BBS9: variants seen among roughly 807,000 people sequenced by gnomAD.
The protein encoded by BBS9 is Bardet-Biedl syndrome 9, also known as protein PTHB1.
A neutral mutation model predicts 117.7 loss-of-function variants in BBS9; 89 were observed. The ratio of observed to expected loss-of-function variants is 0.76; its 90% confidence interval spans 0.64 to 0.90. The LOEUF (loss-of-function observed/expected upper bound fraction) is 0.90. Among genes scored for constraint, BBS9 ranks in the 40% least tolerant of loss-of-function variants. BBS9 has a pLI of 0.00. For missense variants in BBS9, 982 were observed against 1,042.2 expected (o/e 0.94, Z 0.80); for synonymous variants, 379 against 370.9 (o/e 1.02, Z -0.25).
At chr7:33,175,186 C>G (rs1021560238) in intron 4 of BBS9, among the ~76,000 whole-genome samples, 15 of 151,956 alleles carry the variant, frequency 9.9e-5, no homozygotes, top group African/African-American at 2.7e-4. Flanking sequence ...TGCCTGTAAT[C>G]CCAGCTACTC....
intron 19 of BBS9, among the ~76,000 whole-genome samples, chr7:33,452,658 T>A: frequency 6.6e-6 from 1 of 152,320 alleles, no homozygotes; most frequent in South Asian, 2.1e-4. Flanking sequence ...TTTGTTAAAA[T>A]ACCTACTTAT....
chr7:33,309,785 TTA>T (rs1462137786), intron 9 of BBS9, among the ~76,000 whole-genome samples: 1 of 152,172 alleles, frequency 6.6e-6, no homozygotes, highest in Admixed American at 6.5e-5. Context: ...GTATTGGAGG[TTA>T]CAGACTAGGG....
At chr7:33,618,842 C>T (rs1865269491) in intron 21 of BBS9, among the ~76,000 whole-genome samples, 1 of 151,992 alleles carries the variant, frequency 6.6e-6, no homozygotes, top group African/African-American at 2.4e-5. Flanking sequence ...TACACACATA[C>T]ACACACACAT....
At chr7:33,183,812 CA>C (rs1213876228) in intron 5 of BBS9, among the ~76,000 whole-genome samples, 1 of 151,942 alleles carries the variant, frequency 6.6e-6, no homozygotes, top group East Asian at 1.9e-4. Context: ...GAACCTCATT[CA>C]GTTTTTTTTT....
intron 11 of BBS9, among the ~76,000 whole-genome samples, 171 bp downstream of exon 11, chr7:33,341,144 C>T (rs1380505713): frequency 6.6e-6 from 1 of 151,952 alleles, no homozygotes; most frequent in African/African-American, 2.4e-5. Context: ...CCCCTTAGTG[C>T]CAGTAAGGAG....
chr7:33,173,572 A>T (rs1012467564), intron 4 of BBS9, among the ~76,000 whole-genome samples: 7 of 93,656 alleles, frequency 7.5e-5, no homozygotes, highest in African/African-American at 2.3e-4. Flanking sequence ...ACTCCATCCT[A>T]AAAAAAAAAA....
intron 21 of BBS9, among the ~76,000 whole-genome samples, chr7:33,557,897 G>A (rs936232587): frequency 6.6e-6 from 1 of 152,198 alleles, no homozygotes; most frequent in African/African-American, 2.4e-5. Context: ...CTTAGTGAGA[G>A]TCTATGTTGT....
At chr7:33,223,646 A>C (rs1343864736) in intron 5 of BBS9, among the ~76,000 whole-genome samples, 1 of 151,844 alleles carries the variant, frequency 6.6e-6, no homozygotes, top group Non-Finnish European at 1.5e-5. Flanking sequence ...TGTTCTTCTA[A>C]GCACTTACTG....
At chr7:33,204,212 G>A (rs1275208197) in intron 5 of BBS9, among the ~76,000 whole-genome samples, 1 of 149,508 alleles carries the variant, frequency 6.7e-6, no homozygotes, top group East Asian at 2.0e-4. Context: ...CGAGACCAGT[G>A]TGGCCAACAT....
At chr7:33,303,802 C>T (rs1265342226) in intron 9 of BBS9, among the ~76,000 whole-genome samples, 2 of 151,158 alleles carry the variant, frequency 1.3e-5, no homozygotes, top group African/African-American at 2.5e-5. Context: ...GTCTCGCTCA[C>T]TCAGTGCTCA....
At chr7:33,509,763 GT>G (rs1044312997) in intron 20 of BBS9, among the ~76,000 whole-genome samples, 2 of 152,138 alleles carry the variant, frequency 1.3e-5, no homozygotes, top group Non-Finnish European at 2.9e-5. Flanking sequence ...ACCGTGGAGT[GT>G]TTTCTCCCTA....
At chr7:33,332,924 A>G (rs977960375) in intron 9 of BBS9, among the ~76,000 whole-genome samples, 2 of 152,090 alleles carry the variant, frequency 1.3e-5, no homozygotes, top group African/African-American at 4.8e-5. Context: ...GTACATTCAT[A>G]CTGCTGTGCA....
chr7:33,598,289 CA>C (rs1200299742), intron 21 of BBS9, among the ~76,000 whole-genome samples: 49 of 151,448 alleles, frequency 3.2e-4, no homozygotes, highest in African/African-American at 1.1e-3. Context: ...AGAAGGACAT[CA>C]GACAAATTCC....
At position 33,189,868 on chromosome 7, in the gene BBS9, A is replaced by G. The variant is rs1469574980; in HGVS notation, c.442+12277A>G. 1.2e-4 allele frequency among the ~76,000 whole-genome samples: 17 copies of G among 144,896 alleles called. 1 individual carries two copies. In the South Asian group the frequency reaches 3.3e-3, roughly 28 times the overall value. On this transcript the variant is annotated intron_variant, in intron 5 of 22. Coordinates refer to ENST00000242067, the MANE Select transcript of BBS9 (RefSeq NM_198428.3). ...GCCACTGCACTCCACTGCACTCCAG[A>G]GTGAGACTCTGTCTTAAAAAAAAAA...
chr7:33,140,056 C>G (rs930422706), intron 1 of BBS9, among the ~76,000 whole-genome samples: 3 of 151,870 alleles, frequency 2.0e-5, no homozygotes, highest in African/African-American at 7.3e-5. Flanking sequence ...GATGGAGTCT[C>G]ACTCTGTCAC....
chr7:33,319,876 T>C (rs1202955539), intron 9 of BBS9, among the ~76,000 whole-genome samples: 2 of 152,084 alleles, frequency 1.3e-5, no homozygotes, highest in Non-Finnish European at 2.9e-5. Flanking sequence ...AAAACCAAAC[T>C]ATCCTATCAA....
In BBS9 at chr7:33,463,948, T is replaced by C. The variant is rs1313986378; in HGVS notation, c.2116-41515T>C. Among the ~76,000 whole-genome samples the C allele has an allele frequency of 6.6e-5, 10 of 152,230 alleles. No individual in the cohort carries two copies. The South Asian group carries it at 1.5e-3, about 22-fold the overall frequency. On this transcript the variant is annotated intron_variant, in intron 19 of 22. Coordinates refer to ENST00000242067, the MANE Select transcript of BBS9 (RefSeq NM_198428.3). ...ATCCATTGCCTGTTGTTCAGTGAGG[T>C]AGACAAATCTTACAGTATAATGTCC...
intron 19 of BBS9, among the ~76,000 whole-genome samples, chr7:33,496,931 G>T (rs1004118917): frequency 5.3e-5 from 8 of 152,144 alleles, no homozygotes; most frequent in Non-Finnish European, 1.2e-4. Flanking sequence ...CAAAGTAAAA[G>T]CTTAGCCCTG....
intron 21 of BBS9, among the ~76,000 whole-genome samples, chr7:33,627,659 G>C (rs1278890257): frequency 6.6e-6 from 1 of 152,230 alleles, no homozygotes. Flanking sequence ...CCTTGCATCA[G>C]TGTGGCCTGG....
Sources: allele counts gnomAD v4.1 joint callset (sites outside exome capture counted in the v4.1 genomes callset), GRCh38; gene constraint gnomAD v4.1.1; transcripts MANE v1.5; gene names NCBI Gene and HGNC (gene_info 2026-07-23, HGNC 2026-07-21).